The following UBA6 variants were observed in gnomAD, a reference collection of about 807,000 sequenced individuals.
The protein encoded by UBA6 is ubiquitin like modifier activating enzyme 6, also known as ubiquitin-like modifier-activating enzyme 6.
Under a neutral mutation model 148.3 loss-of-function variants are expected in UBA6, and 87 were observed. The observed-to-expected ratio is 0.59, with a 90% CI of 0.49 to 0.70. UBA6 has a LOEUF of 0.70. Among genes scored for constraint, UBA6 ranks in the 30% least tolerant of loss-of-function variants. The probability of loss-of-function intolerance (pLI) is 0.00; values close to 1 mark genes in which losing one functional copy is unlikely to be tolerated. For synonymous variants in UBA6, 376 were observed against 401.0 expected, an observed-to-expected ratio of 0.94 and a Z score of 0.75; for missense variants, 1,186 against 1,241.2, an observed-to-expected ratio of 0.96 and a Z score of 0.67.
chr4:67,633,465 C>T lies in UBA6; in HGVS notation c.2022G>A (p.Gln674=). The change falls in exon 23 of 33, where the codon CAG becomes CAA. Residue 674 remains glutamine (Q), a synonymous_variant. Coordinates refer to ENST00000322244, the MANE Select transcript of UBA6 (RefSeq NM_018227.6). Reference sequence around the variant, plus strand: ...AACAGCCTTCTAAACTGTGTCCACTCTGTATCTTCTAGAATGGGAGAGAAA... The same window carrying T: ...AACAGCCTTCTAAACTGTGTCCACTTTGTATCTTCTAGAATGGGAGAGAAA... ...SSAEEVLQKI[Q]SGHSLEGCFQ... 6.3e-7 allele frequency: 1 copy of T among 1,593,274 alleles called. No individual in the cohort carries two copies.
intron 30 of UBA6, among the ~76,000 whole-genome samples, 158 bp from the exon 31 acceptor site, chr4:67,623,380 C>T (rs1331676402): frequency 6.6e-6 from 1 of 152,078 alleles, no homozygotes; most frequent in Non-Finnish European, 1.5e-5. Context: ...CTAAAATATT[C>T]CATAATCTTA....
intron 7 of UBA6, among the ~76,000 whole-genome samples, chr4:67,673,051 T>C (rs1425324469): frequency 6.6e-6 from 1 of 152,202 alleles, no homozygotes; most frequent in African/African-American, 2.4e-5. Flanking sequence ...AAAATTTGTC[T>C]CTATTCACTA....
intron 32 of UBA6, among the ~76,000 whole-genome samples, chr4:67,620,244 A>G (rs1486626980): frequency 6.6e-6 from 1 of 152,206 alleles, no homozygotes; most frequent in African/African-American, 2.4e-5. Flanking sequence ...GAAAATCAAT[A>G]TAAGGCAAAT....
chr4:67,647,025 C>T (rs1340054577), intron 14 of UBA6, among the ~76,000 whole-genome samples: 1 of 152,036 alleles, frequency 6.6e-6, no homozygotes, highest in Non-Finnish European at 1.5e-5. Flanking sequence ...ATTCATGTCA[C>T]TTAGCCATCA....
At chr4:67,671,197 T>C (rs953696637) in intron 7 of UBA6, among the ~76,000 whole-genome samples, 11 of 152,188 alleles carry the variant, frequency 7.2e-5, no homozygotes, top group African/African-American at 2.7e-4. Flanking sequence ...AAAGAAATTA[T>C]TTTTGGGCTT....
intron 13 of UBA6, among the ~76,000 whole-genome samples, chr4:67,654,862 G>GAAAAAAAAAAA (rs141234627): frequency 7.6e-6 from 1 of 132,168 alleles, no homozygotes; most frequent in African/African-American, 2.9e-5. Flanking sequence ...CAAATGGAAA[G>GAAAAAAAAAAA]AAAAAAAAAA....
In UBA6 at chr4:67,641,164, G is replaced by T; in HGVS notation, c.1541C>A (p.Pro514His). 1 of 1,594,090 alleles carries T rather than the reference G, an allele frequency of 6.3e-7. No individual in the cohort carries two copies. Among genetic ancestry groups the T allele is most frequent in the Non-Finnish European group, 8.5e-7 (1 of 1,169,686 alleles). The change falls in exon 18 of 33, where the codon CCT (proline) becomes CAT (histidine). Residue 514 changes from proline to histidine, a missense_variant. Pro to His is a moderately conservative substitution (Grantham distance 77). Transcript: ENST00000322244. ...ATAGCAACATACCTGTATGTGATGAGGACGAAATAGGAACTGTCTATTTAA... is the reference window on the plus strand; with the variant it reads ...ATAGCAACATACCTGTATGTGATGATGACGAAATAGGAACTGTCTATTTAA... ...SNLNRQFLFR[P>H]HHIQKPKSYT...
chr4:67,643,718 G>C (rs1056731820), intron 17 of UBA6, among the ~76,000 whole-genome samples: 3 of 151,972 alleles, frequency 2.0e-5, no homozygotes, highest in African/African-American at 7.2e-5. Flanking sequence ...TATACAGTAA[G>C]TCTGTGTTTC....
intron 8 of UBA6, among the ~76,000 whole-genome samples, chr4:67,669,495 C>T (rs1420132090): frequency 6.6e-6 from 1 of 151,964 alleles, no homozygotes; most frequent in Non-Finnish European, 1.5e-5. Flanking sequence ...ATTATCATTC[C>T]CTTATTTTGT....
At chr4:67,676,474 A>G (rs1366442990) in intron 6 of UBA6, among the ~76,000 whole-genome samples, 1 of 152,218 alleles carries the variant, frequency 6.6e-6, no homozygotes, top group African/African-American at 2.4e-5. Context: ...AGCTTAAGAG[A>G]AAACAAAACA....
chr4:67,700,554 G>C (rs1274201081), intron 1 of UBA6, among the ~76,000 whole-genome samples: 1 of 150,438 alleles, frequency 6.6e-6, no homozygotes. Context: ...TTCTTCCGAA[G>C]TCAACAAAGG....
intron 19 of UBA6, among the ~76,000 whole-genome samples, chr4:67,635,847 G>A (rs559222612): frequency 5.1e-4 from 73 of 143,580 alleles, no homozygotes; most frequent in African/African-American, 1.8e-3. Flanking sequence ...TTTCTTCTTT[G>A]GTTATTTTCT....
chr4:67,632,488 A>T (rs1729022198), intron 23 of UBA6, among the ~76,000 whole-genome samples: 1 of 152,156 alleles, frequency 6.6e-6, no homozygotes, highest in South Asian at 2.1e-4. Context: ...TTTTCATTAT[A>T]AAAAAAGTTT....
At position 67,678,762 on chromosome 4, in the gene UBA6, T is replaced by C. The variant is rs75621643; in HGVS notation, c.259-229A>G. ...ATCCACAGTTTGACAACATAGTCTA[T>C]TGGTGATGGTGAGGTGAATGAGCGA... On this transcript the variant is annotated intron_variant, in intron 4 of 32. Coordinates refer to ENST00000322244, the MANE Select transcript of UBA6 (RefSeq NM_018227.6). Among the ~76,000 whole-genome samples, 729 of 152,312 alleles carry C rather than the reference T, an allele frequency of 4.8e-3. 6 individuals carry two copies. Among genetic ancestry groups the C allele is most frequent in the Non-Finnish European group, 8.4e-3 (568 of 67,992 alleles).
chr4:67,645,095 TCTA>T (rs1318787857), intron 16 of UBA6, among the ~76,000 whole-genome samples: 1 of 152,182 alleles, frequency 6.6e-6, no homozygotes, highest in Admixed American at 6.5e-5. Context: ...TTCTAAGACT[TCTA>T]CTATTATCTA....
At chr4:67,661,329 CAT>C (rs1458729341) in intron 13 of UBA6, among the ~76,000 whole-genome samples, 5 of 152,290 alleles carry the variant, frequency 3.3e-5, no homozygotes, top group African/African-American at 1.2e-4. Context: ...ATAATTGCCA[CAT>C]GTCAAGGGCA....
chr4:67,660,363 T>G (rs1199126638), intron 13 of UBA6, among the ~76,000 whole-genome samples: 1 of 152,142 alleles, frequency 6.6e-6, no homozygotes. Context: ...AAAATGGTTT[T>G]GTGGGGTGGG....
At chr4:67,645,827 T>C (rs1371978085) in intron 16 of UBA6, 111 bp downstream of exon 16, 1 of 476,970 alleles carries the variant, frequency 2.1e-6, no homozygotes, top group Non-Finnish European at 3.5e-6. Context: ...TCTCAGTTAT[T>C]ACAACTACTC....
chr4:67,624,159 G>C lies in UBA6; in HGVS notation c.2807C>G (p.Thr936Arg). 1 of 1,606,890 alleles carries C rather than the reference G, an allele frequency of 6.2e-7. No homozygotes were observed. The highest frequency in any genetic ancestry group is 8.5e-7 in the Non-Finnish European group (1 of 1,176,860). The change falls in exon 30 of 33, where the codon ACA becomes AGA. Residue 936 changes from threonine (T) to arginine (R), a missense_variant. Coordinates refer to ENST00000322244, the MANE Select transcript of UBA6 (RefSeq NM_018227.6). Reference protein sequence around the residue: ...LNLAIPIVVFTETTEVRKTKI... With the variant: ...LNLAIPIVVFRETTEVRKTKI... Reference sequence around the variant, plus strand: ...AGTTTTCCTTACTTCAGTTGTCTCTGTAAATACTACAATTGGAATGGCTAA... The same window carrying C: ...AGTTTTCCTTACTTCAGTTGTCTCTCTAAATACTACAATTGGAATGGCTAA...
Sources: gnomAD v4.1 joint callset for allele counts (sites outside exome capture counted in the v4.1 genomes callset) on GRCh38, gnomAD v4.1.1 for gene constraint, MANE v1.5 for transcripts, NCBI Gene and HGNC (gene_info 2026-07-23, HGNC 2026-07-21) for gene names.